GRIP1: variants seen among roughly 807,000 people sequenced by gnomAD.
GRIP1 encodes the protein glutamate receptor interacting protein 1.
A neutral mutation model predicts 129.9 loss-of-function variants in GRIP1; 45 were observed. That is an observed-to-expected ratio of 0.35 (90% CI 0.27 to 0.44). The LOEUF (loss-of-function observed/expected upper bound fraction) is 0.44, where lower values mean the gene tolerates loss of function less well. GRIP1 is among the 20% of genes least tolerant of loss of function. The pLI is 1.00. For missense variants in GRIP1, 1,196 were observed against 1,396.8 expected, an observed-to-expected ratio of 0.86 and a Z score of 2.29; for synonymous variants, 530 against 520.8, an observed-to-expected ratio of 1.02 and a Z score of -0.24.
rs2037789514 is a variant in GRIP1 at position 66,770,669 on chromosome 12, G to A, written c.-420+33384C>T. Among the ~76,000 whole-genome samples, 2 of 152,272 alleles carry A rather than the reference G, an allele frequency of 1.3e-5. 1 individual carries two copies. The highest frequency in any genetic ancestry group is 3.9e-4 in the East Asian group (2 of 5,180). ...AAGCTTGAAAAGGTAAGCCAAACGG[G>A]TCAGGGATCTGTTTAACTTTACTCT... On this transcript the variant is annotated intron_variant, in intron 1 of 4. Coordinates refer to the GRIP1 transcript ENST00000538373.
intron 1 of GRIP1, among the ~76,000 whole-genome samples, chr12:66,740,998 G>GA (rs574052375): frequency 2.6e-5 from 4 of 151,916 alleles, no homozygotes; most frequent in Non-Finnish European, 4.4e-5. Flanking sequence ...TTCAATTAAA[G>GA]AAAAAAAATG....
rs1256716131 is a variant in GRIP1 at position 66,889,008 on chromosome 12, C to CA, written c.58+180041dup. Among the ~76,000 whole-genome samples, 10 of 152,216 alleles carry CA rather than the reference C, an allele frequency of 6.6e-5. No homozygotes were observed. In the East Asian group the frequency reaches 1.9e-3, roughly 29 times the overall value. ...AATGCTAGAAGACAGAGTTGAACTA[C>CA]AAAAAATTGAAGCTCTAAGAAGTTA... is the stretch of plus-strand genomic sequence containing the variant. On this transcript the variant is annotated intron_variant, in intron 1 of 1. Transcript: ENST00000643019.
rs2058800364 is a variant in GRIP1, at chr12:66,451,409, T to G, written c.1354+4000A>C. On this transcript the variant is annotated intron_variant, in intron 11 of 24. Transcript: ENST00000359742. ...TTTTTTTTTTTTTTTTTTTTTTTTT[T>G]TTTTTTTTTTTTCAGATAGGCTCTC... Among the ~76,000 whole-genome samples the G allele has an allele frequency of 9.6e-5, 9 of 93,966 alleles. 1 individual carries two copies. The South Asian group carries it at 3.1e-3, about 33-fold the overall frequency. The allele number at this position is 93,966 out of a possible 152,430, so 61.6% of individuals were successfully genotyped here. A position where few individuals can be genotyped will look rare whatever the true frequency, so the allele number is the denominator to read the frequency against.
At chr12:66,880,489 C>T (rs1274256164) in intron 1 of GRIP1, among the ~76,000 whole-genome samples, 1 of 152,018 alleles carries the variant, frequency 6.6e-6, no homozygotes, top group Non-Finnish European at 1.5e-5. Flanking sequence ...CCTGTCACTC[C>T]TCAACATGTG....
chr12:66,420,878 C>T, intron 14 of GRIP1, 89 bp from the exon 15 acceptor site: 11 of 793,334 alleles, frequency 1.4e-5, no homozygotes, highest in Non-Finnish European at 2.2e-5. Flanking sequence ...TAACTTAATG[C>T]AAGTAATGTT....
At chr12:66,618,314 A>G (rs2065128622) in intron 1 of GRIP1, among the ~76,000 whole-genome samples, 1 of 152,180 alleles carries the variant, frequency 6.6e-6, no homozygotes, top group East Asian at 1.9e-4. Context: ...GAAAATTACG[A>G]ATATAAATTT....
At chr12:66,954,587 G>T (rs1482086355) in intron 1 of GRIP1, among the ~76,000 whole-genome samples, 1 of 152,130 alleles carries the variant, frequency 6.6e-6, no homozygotes, top group Non-Finnish European at 1.5e-5. Context: ...AATTAAATAT[G>T]CAGAACCCCA....
chr12:66,352,545 C>A (rs2054281965), intron 24 of GRIP1, among the ~76,000 whole-genome samples: 1 of 152,024 alleles, frequency 6.6e-6, no homozygotes, highest in Non-Finnish European at 1.5e-5. Flanking sequence ...CCAGCCTGGC[C>A]AACCTGGTGA....
intron 7 of GRIP1, among the ~76,000 whole-genome samples, chr12:66,471,730 T>C (rs772255536): frequency 6.6e-6 from 1 of 152,206 alleles, no homozygotes; most frequent in Non-Finnish European, 1.5e-5. Flanking sequence ...CAGATGGTGG[T>C]AAATGATATA....
At chr12:66,964,011 C>T (rs572145558) in intron 1 of GRIP1, among the ~76,000 whole-genome samples, 1 of 152,252 alleles carries the variant, frequency 6.6e-6, no homozygotes, top group Non-Finnish European at 1.5e-5. Context: ...TACAAGTTCT[C>T]TTAGTTCTAC....
chr12:66,720,702 G>A (rs2036031033), intron 1 of GRIP1, among the ~76,000 whole-genome samples: 2 of 152,096 alleles, frequency 1.3e-5, no homozygotes, highest in Admixed American at 1.3e-4. Flanking sequence ...CTCATTATCT[G>A]TTCAAGTTTT....
chr12:67,066,122 T>C (rs2043619962), intron 1 of GRIP1, among the ~76,000 whole-genome samples: 1 of 152,216 alleles, frequency 6.6e-6, no homozygotes, highest in Non-Finnish European at 1.5e-5. Context: ...TATGTTACAG[T>C]TTCTCTGCTC....
chr12:66,729,921 C>A (rs921723899), intron 1 of GRIP1, among the ~76,000 whole-genome samples: 13 of 152,158 alleles, frequency 8.5e-5, no homozygotes, highest in Non-Finnish European at 1.9e-4. Flanking sequence ...CAAGCTTAAT[C>A]ACTGCTTTAC....
intron 1 of GRIP1, among the ~76,000 whole-genome samples, chr12:67,016,138 T>C (rs183277327): frequency 2.4e-4 from 36 of 152,346 alleles, no homozygotes; most frequent in Admixed American, 2.0e-4. Flanking sequence ...ACACTGTTCT[T>C]TGAGAGAGAA....
chr12:66,921,350 T>C (rs1316015260), intron 1 of GRIP1, among the ~76,000 whole-genome samples: 1 of 152,206 alleles, frequency 6.6e-6, no homozygotes, highest in East Asian at 1.9e-4. Flanking sequence ...GCTCCTGACA[T>C]GTCAATACAT....
intron 1 of GRIP1, among the ~76,000 whole-genome samples, chr12:66,676,644 A>G (rs956518217): frequency 6.6e-6 from 1 of 152,156 alleles, no homozygotes; most frequent in Non-Finnish European, 1.5e-5. Context: ...GGAGCCCTCA[A>G]TGGGTATAAA....
At chr12:66,794,669 T>C (rs1324385542) in intron 1 of GRIP1, among the ~76,000 whole-genome samples, 1 of 152,188 alleles carries the variant, frequency 6.6e-6, no homozygotes, top group Non-Finnish European at 1.5e-5. Context: ...ACTGAGCAAA[T>C]TACTCTGTTG....
At chr12:66,569,769 C>G (rs1592569731) in intron 2 of GRIP1, among the ~76,000 whole-genome samples, 1 of 152,210 alleles carries the variant, frequency 6.6e-6, no homozygotes, top group African/African-American at 2.4e-5. Context: ...TCCGAGCACC[C>G]CTTTTCCTTC....
At chr12:66,478,424 T>C (rs2138518465) in intron 7 of GRIP1, among the ~76,000 whole-genome samples, 1 of 152,268 alleles carries the variant, frequency 6.6e-6, no homozygotes, top group Non-Finnish European at 1.5e-5. Flanking sequence ...TTTTACACTG[T>C]TGGTGGGACT....
Sources: allele counts gnomAD v4.1 joint callset (sites outside exome capture counted in the v4.1 genomes callset), GRCh38; gene constraint gnomAD v4.1.1; transcripts MANE v1.5; gene names NCBI Gene and HGNC (gene_info 2026-07-23, HGNC 2026-07-21).